Variants in SI observed in about 807,000 individuals in gnomAD.
The protein encoded by SI is sucrase-isomaltase, intestinal.
Under a neutral mutation model 253.3 loss-of-function variants are expected in SI, and 235 were observed. The ratio of observed to expected loss-of-function variants is 0.93; its 90% CI spans 0.83 to 1.03. The LOEUF (loss-of-function observed/expected upper bound fraction) is 1.03. Among genes scored for constraint, SI ranks in the 50% least tolerant of loss-of-function variants. The pLI, the probability that SI is intolerant of heterozygous loss-of-function variation, is 0.00. For synonymous variants in SI, 819 were observed against 712.0 expected (o/e 1.15, Z -2.39); for missense variants, 2,442 against 2,211.1 (o/e 1.10, Z -2.09).
At chr3:165,066,477 C>A (rs1714253300) in intron 6 of SI, among the ~76,000 whole-genome samples, 1 of 151,782 alleles carries the variant, frequency 6.6e-6, no homozygotes, top group South Asian at 2.1e-4. Flanking sequence ...AGTACTTTTG[C>A]AATATATATT....
Position 164,992,197 on chromosome 3 carries a change from G to T in SI, c.4963C>A (p.Arg1655=). The change falls in exon 43 of 48, where the codon CGG becomes AGG. Residue 1655 remains arginine (R), a synonymous_variant. Transcript: ENST00000264382. ...CTTACTGTATGGTAGTCAAACCACC[G>T]AGCATTGGGGACGTAGGCATTTACA... ...QTVNAYVPNA[R]WFDYHTGKDI... is the part of the protein sequence containing the mutation. The T allele has an allele frequency of 6.2e-7, 1 of 1,611,492 alleles. No homozygotes were observed. The highest frequency in any genetic ancestry group is 1.1e-5 in the South Asian group (1 of 90,998).
At chr3:164,995,714 C>T (rs915360664) in intron 40 of SI, among the ~76,000 whole-genome samples, 4 of 151,696 alleles carry the variant, frequency 2.6e-5, no homozygotes. Flanking sequence ...CATTTAATAC[C>T]TTTCTGAGCA....
rs1430839985 is a variant in SI at position 164,982,198 on chromosome 3, TTTAAA to T, written c.5415+40_5415+44del. 4.0e-6 allele frequency: 6 copies of T among 1,488,188 alleles called. No individual in the cohort carries two copies. The African/African-American group carries it at 8.4e-5, about 21-fold the overall frequency. The allele number at this position is 1,488,188 out of a possible 1,614,324, so 92.2% of individuals were successfully genotyped here. On this transcript the variant is annotated intron_variant, in intron 47 of 47. Transcript: ENST00000264382. ...GGATATAAGAAGTCCATGTAGATGC[TTTAAA>T]TACGTACGCTTTTGAAAAATATTTT...
chr3:164,998,969 A>T (rs1396899859), intron 37 of SI, among the ~76,000 whole-genome samples: 1 of 151,800 alleles, frequency 6.6e-6, no homozygotes, highest in Non-Finnish European at 1.5e-5. Flanking sequence ...GAAATCAACA[A>T]ATTCATCACA....
intron 5 of SI, 105 bp from the exon 6 acceptor site, chr3:165,067,596 A>C: frequency 1.0e-6 from 1 of 996,208 alleles, no homozygotes; most frequent in South Asian, 1.3e-5. Flanking sequence ...TAACGTGGTG[A>C]TTAGTTTCAT....
Position 165,053,895 on chromosome 3 carries a change from AT to A in SI, c.1512+1298del, listed in dbSNP as rs903872894. ...AAAATAAAGCTCAAGATCACAGTAA[AT>A]TTTTTTTATTTCTACCAATTGCTAG... is the stretch of plus-strand genomic sequence containing the variant. On this transcript the variant is annotated intron_variant, in intron 13 of 47. Coordinates refer to ENST00000264382, the MANE Select transcript of SI (RefSeq NM_001041.4). Among the ~76,000 whole-genome samples the A allele has an allele frequency of 4.0e-4, 61 of 151,846 alleles. 2 individuals carry two copies. The highest frequency in any genetic ancestry group is 6.6e-5 in the Admixed American group (1 of 15,216).
intron 9 of SI, among the ~76,000 whole-genome samples, chr3:165,061,400 G>A (rs1305807620): frequency 6.6e-5 from 10 of 151,912 alleles, no homozygotes; most frequent in African/African-American, 2.2e-4. Flanking sequence ...TACAGATACT[G>A]TAAACTTTCT....
Position 165,055,308 on chromosome 3 carries a change from C to A in SI, c.1399-1G>T, listed in dbSNP as rs1387965890. 6.7e-7 allele frequency: 1 copy of A among 1,482,154 alleles called. No individual in the cohort carries two copies. The highest frequency in any genetic ancestry group is 9.4e-7 in the Non-Finnish European group (1 of 1,061,696). 91.8% of individuals were successfully genotyped at this position (1,482,154 alleles called of 1,614,324 possible). On this transcript the variant is annotated splice_acceptor_variant, in intron 12 of 47. Transcript: ENST00000264382. LOFTEE classifies it high-confidence loss of function. Reference sequence around the variant, plus strand: ...GGTATACTGTTAATCCTGGCCATACCTAGAAGAATAGATCATTCACATATA... The same window carrying A: ...GGTATACTGTTAATCCTGGCCATACATAGAAGAATAGATCATTCACATATA...
At chr3:165,079,116 A>C (rs531074947), upstream of SI, among the ~76,000 whole-genome samples, 1 of 151,564 alleles carries the variant, frequency 6.6e-6, no homozygotes, top group Non-Finnish European at 1.5e-5. Context: ...AAACCTTCTC[A>C]TTTCATGTAG....
In SI at chr3:164,982,261, AT is replaced by A; in HGVS notation, c.5396del (p.Asn1799MetfsTer7). On this transcript the variant is annotated frameshift_variant, in exon 47 of 48. Transcript: ENST00000264382. LOFTEE classifies it low-confidence loss of function (END_TRUNC). ...YNGNKNSLPF[N>X]EDTTNMILRI... is the part of the protein sequence containing the mutation. ...TACTTACCATGTTGGTAGTGTCTTCATTAAAAGGAAGCGAATTTTTATTTCC... is the reference window on the plus strand; with the variant it reads ...TACTTACCATGTTGGTAGTGTCTTCATAAAAGGAAGCGAATTTTTATTTCC... The A allele has an allele frequency of 6.2e-7, 1 of 1,612,764 alleles. No homozygotes were observed. Among genetic ancestry groups the A allele is most frequent in the Non-Finnish European group, 8.5e-7 (1 of 1,179,188 alleles).
chr3:165,055,810 T>G (rs2108243240), intron 12 of SI, among the ~76,000 whole-genome samples: 1 of 152,242 alleles, frequency 6.6e-6, no homozygotes, highest in African/African-American at 2.4e-5. Flanking sequence ...CATTAGAATT[T>G]TTGAAAGCAG....
At chr3:164,987,580 A>G in intron 44 of SI, among the ~76,000 whole-genome samples, 1 of 152,012 alleles carries the variant, frequency 6.6e-6, no homozygotes, top group Admixed American at 6.6e-5. Flanking sequence ...GTGGTGGCAG[A>G]TACCTGTAGT....
At chr3:165,007,606 C>G (rs1175025655) in intron 36 of SI, among the ~76,000 whole-genome samples, 2 of 151,660 alleles carry the variant, frequency 1.3e-5, no homozygotes, top group Admixed American at 6.6e-5. Context: ...ATAACAACTT[C>G]AAACAAATTT....
chr3:165,040,260 G>A (rs1206738170), intron 18 of SI, among the ~76,000 whole-genome samples: 1 of 151,084 alleles, frequency 6.6e-6, no homozygotes, highest in African/African-American at 2.4e-5. Context: ...GGAAGGGATG[G>A]GAACAGAGGG....
At position 165,038,077 on chromosome 3, in the gene SI, C is replaced by T. The variant is rs917074394; in HGVS notation, c.2302-53G>A. 3.4e-6 allele frequency: 5 copies of T among 1,485,552 alleles called. No individual in the cohort carries two copies. The African/African-American group carries it at 4.2e-5, about 12-fold the overall frequency. 92.0% of individuals were successfully genotyped at this position (1,485,552 alleles called of 1,614,324 possible). ...TTAATATTATTGAAGACTTTAAACT[C>T]TATTTCACAAGAATTAAAAGGCATT... On this transcript the variant is annotated intron_variant, in intron 20 of 47. Coordinates refer to ENST00000264382, the MANE Select transcript of SI (RefSeq NM_001041.4).
At chr3:165,017,064 G>A (rs1322290630) in intron 31 of SI, among the ~76,000 whole-genome samples, 2 of 151,786 alleles carry the variant, frequency 1.3e-5, no homozygotes, top group African/African-American at 4.8e-5. Flanking sequence ...TTGATCATTT[G>A]TGGATACTTT....
chr3:165,033,272 C>A (rs1712344337), intron 23 of SI, 123 bp downstream of exon 23: 2 of 693,278 alleles, frequency 2.9e-6, no homozygotes, highest in Non-Finnish European at 4.2e-6. Flanking sequence ...CAATTTATTT[C>A]ATTACATTCC....
chr3:165,015,166 A>C lies in SI; in HGVS notation c.3956T>G (p.Val1319Gly). The C allele has an allele frequency of 6.2e-7, 1 of 1,613,578 alleles. No individual in the cohort carries two copies. Among genetic ancestry groups the C allele is most frequent in the East Asian group, 2.2e-5 (1 of 44,722 alleles). Residue 1319 changes from valine (V) to glycine (G), a missense_variant, in exon 33 of 48, where the codon GTC (valine) becomes GGC (glycine). By Grantham distance (109) the Val-to-Gly change is moderately radical (BLOSUM62 -3). Transcript: ENST00000264382. Reference protein sequence around the residue: ...PAFERGQQNDVFVKWPNTNDI... With the variant: ...PAFERGQQNDGFVKWPNTNDI... Reference sequence around the variant, plus strand: ...ATTGGTGTTTGGCCATTTGACAAAGACATCATTCTGCTGTCCTCTTTCAAA... The same window carrying C: ...ATTGGTGTTTGGCCATTTGACAAAGCCATCATTCTGCTGTCCTCTTTCAAA...
Position 165,069,144 on chromosome 3 carries a change from TAA to T in SI, c.305_306del (p.Leu102HisfsTer8). 6.2e-7 allele frequency: 1 copy of T among 1,613,656 alleles called. No individual in the cohort carries two copies. Among genetic ancestry groups the T allele is most frequent in the Non-Finnish European group, 8.5e-7 (1 of 1,179,772 alleles). On this transcript the variant is annotated frameshift_variant, in exon 4 of 48. Transcript: ENST00000264382. LOFTEE classifies it high-confidence loss of function. ...GCCWRPWNDSLIPWCFFVDNH... is the reference protein window; with the variant it reads ...GCCWRPWNDSXIPWCFFVDNH... ...TTATCAACGAAGAAGCACCAAGGAA[TAA>T]GAGAGTCATTCCACGGCCTCCAGCA...
Sources: allele counts gnomAD v4.1 joint callset (sites outside exome capture counted in the v4.1 genomes callset), GRCh38; gene constraint gnomAD v4.1.1; transcripts MANE v1.5; gene names NCBI Gene and HGNC (gene_info 2026-07-23, HGNC 2026-07-21).